Variants in OOSP2 observed in about 807,000 individuals in gnomAD.
OOSP2 encodes the protein oocyte secreted protein 2, also known as oocyte-secreted protein 2.
In OOSP2, 7 loss-of-function variants were observed where a neutral mutation model predicts 13.4. The ratio of observed to expected loss-of-function variants is 0.52; its 90% confidence interval spans 0.30 to 0.98. The LOEUF (loss-of-function observed/expected upper bound fraction) is 0.98, where lower values mean the gene tolerates loss of function less well. OOSP2 is among the 50% of genes least tolerant of loss of function. OOSP2 has a pLI of 0.07. For synonymous variants in OOSP2, 75 were observed against 67.2 expected (o/e 1.12, Z -0.57); for missense variants, 184 against 188.5 (o/e 0.98, Z 0.14).
chr11:60,046,171 C>T (rs1457527453), intron 3 of OOSP2, among the ~76,000 whole-genome samples: 1 of 151,630 alleles, frequency 6.6e-6, no homozygotes, highest in African/African-American at 2.4e-5. Flanking sequence ...GTCTCTCGCT[C>T]TGCCTCTCTC....
intron 3 of OOSP2, among the ~76,000 whole-genome samples, chr11:60,045,803 T>A (rs1855000304): frequency 6.6e-6 from 1 of 152,194 alleles, no homozygotes. Context: ...TTTCATAAAG[T>A]ATTTTCATAA....
chr11:60,041,284 C>A (rs1854925184), intron 1 of OOSP2, among the ~76,000 whole-genome samples: 1 of 152,150 alleles, frequency 6.6e-6, no homozygotes. Flanking sequence ...TCACATATAG[C>A]TCCTGATATT....
chr11:60,046,595 G>A, intron 3 of OOSP2: 2 of 439,276 alleles, frequency 4.6e-6, no homozygotes, highest in Non-Finnish European at 9.0e-6. Flanking sequence ...TTAAGCTTTT[G>A]GTGGCTTTTT....
intron 3 of OOSP2, 104 bp from the exon 4 acceptor site, chr11:60,046,840 C>A: frequency 2.1e-6 from 2 of 949,262 alleles, no homozygotes; most frequent in Non-Finnish European, 3.5e-6. Context: ...ATGCCATACT[C>A]CTGAATGACT....
intron 1 of OOSP2, among the ~76,000 whole-genome samples, chr11:60,041,872 C>CAAAAAAAAAAAAAA (rs1390816690): frequency 2.4e-5 from 2 of 84,826 alleles, no homozygotes; most frequent in African/African-American, 8.2e-5. Flanking sequence ...AAAAAAAAAG[C>CAAAAAAAAAAAAAA]AAAACTCCGT....
In OOSP2 at chr11:60,047,076, T is replaced by C. The variant is rs995664325; in HGVS notation, c.*3T>C. 12 of 1,592,308 alleles carry C rather than the reference T, an allele frequency of 7.5e-6. No homozygotes were observed. The highest frequency in any genetic ancestry group is 1.7e-4 in the Middle Eastern group (1 of 5,962). On this transcript the variant is annotated 3_prime_UTR_variant, in exon 4 of 4. Transcript: ENST00000278855. ...CTTCTAGTCCAAACTTGCTCTGAGCTAAAGGAGAAATGGAAACTTGAAGCT... is the reference window on the plus strand; with the variant it reads ...CTTCTAGTCCAAACTTGCTCTGAGCCAAAGGAGAAATGGAAACTTGAAGCT...
At chr11:60,046,898 C>A in intron 3 of OOSP2, 46 bp from the exon 4 acceptor site, 1 of 1,560,994 alleles carries the variant, frequency 6.4e-7, no homozygotes, top group Non-Finnish European at 8.8e-7. Context: ...CTGACTTGAT[C>A]CCAAGTGCTC....
chr11:60,046,646 TG>T (rs145606931), intron 3 of OOSP2: 69 of 505,498 alleles, frequency 1.4e-4, no homozygotes, highest in Non-Finnish European at 2.4e-4. Flanking sequence ...TCTGTTTTGC[TG>T]GGTACATTGG....
In OOSP2 at chr11:60,046,516, GTC is replaced by G. The variant is rs527585680; in HGVS notation, c.348-417_348-416del. On this transcript the variant is annotated intron_variant, in intron 3 of 3. Coordinates refer to ENST00000278855, the MANE Select transcript of OOSP2 (RefSeq NM_173801.5). ...TGGGTGCATGAATTTTAATGTTGTA[GTC>G]TCTCTCTCTCATATTCACTTACTCA... is the stretch of plus-strand genomic sequence containing the variant. 1.9e-4 allele frequency among the ~76,000 whole-genome samples: 29 copies of G among 152,006 alleles called. 1 individual carries two copies. The South Asian group carries it at 5.8e-3, about 31-fold the overall frequency.
At chr11:60,045,771 TTTACTC>T (rs1411569852) in intron 3 of OOSP2, among the ~76,000 whole-genome samples, 2 of 152,176 alleles carry the variant, frequency 1.3e-5, no homozygotes, top group African/African-American at 4.8e-5. Flanking sequence ...TGTTAATACT[TTTACTC>T]TTCCCTTTAA....
At chr11:60,046,011 A>G (rs1000700792) in intron 3 of OOSP2, among the ~76,000 whole-genome samples, 19 of 127,004 alleles carry the variant, frequency 1.5e-4, no homozygotes, top group African/African-American at 5.2e-4. Flanking sequence ...TCTGTCTCTC[A>G]CTCTGCCTTT....
At chr11:60,042,966 G>A (rs569932578) in intron 1 of OOSP2, among the ~76,000 whole-genome samples, 9 of 151,380 alleles carry the variant, frequency 5.9e-5, no homozygotes, top group East Asian at 1.9e-4. Context: ...GTGCAGTGGC[G>A]CGATCTTGGT....
chr11:60,043,615 T>C lies in OOSP2; in HGVS notation c.211T>C (p.Tyr71His). ...RIHTYVYEFI[Y>H]LVRDCGIRTR... ...ACATACATATGTATATGAGTTTATA[T>C]ATCTTGTTCGTGATTGTGGCATCAG... Residue 71 changes from tyrosine to histidine, a missense_variant, in exon 2 of 4, where the codon TAT becomes CAT. Transcript: ENST00000278855. The C allele has an allele frequency of 6.2e-7, 1 of 1,607,648 alleles. No homozygotes were observed. The highest frequency in any genetic ancestry group is 1.3e-5 in the African/African-American group (1 of 74,952).
At chr11:60,040,831 C>T (rs1854920867) in intron 1 of OOSP2, among the ~76,000 whole-genome samples, 1 of 152,098 alleles carries the variant, frequency 6.6e-6, no homozygotes, top group Admixed American at 6.6e-5. Context: ...CATTTCAAAC[C>T]CCTGCCAATT....
At chr11:60,046,602 T>C in intron 3 of OOSP2, 1 of 447,140 alleles carries the variant, frequency 2.2e-6, no homozygotes, top group Non-Finnish European at 4.4e-6. Flanking sequence ...TTTGGTGGCT[T>C]TTTCTTACTG....
At chr11:60,045,360 G>T (rs1357659645) in intron 3 of OOSP2, among the ~76,000 whole-genome samples, 1 of 151,442 alleles carries the variant, frequency 6.6e-6, no homozygotes, top group African/African-American at 2.4e-5. Flanking sequence ...AAGGTATCCT[G>T]ATACACTTTT....
chr11:60,043,373 C>G (rs1305510502), intron 1 of OOSP2, 96 bp from the exon 2 acceptor site: 12 of 634,646 alleles, frequency 1.9e-5, no homozygotes, highest in Non-Finnish European at 2.9e-5. Flanking sequence ...GAAATAAATG[C>G]CTTTTATTTA....
intron 3 of OOSP2, among the ~76,000 whole-genome samples, chr11:60,045,375 T>C (rs1590603013): frequency 6.6e-6 from 1 of 152,250 alleles, no homozygotes; most frequent in East Asian, 1.9e-4. Context: ...ACTTTTTTTT[T>C]TTTTGCCATG....
intron 1 of OOSP2, among the ~76,000 whole-genome samples, chr11:60,042,481 C>T (rs1854948820): frequency 6.6e-6 from 1 of 152,278 alleles, no homozygotes; most frequent in Admixed American, 6.5e-5. Flanking sequence ...TCCTCTGTGG[C>T]CACTTGCTCA....
Sources: allele counts gnomAD v4.1 joint callset (sites outside exome capture counted in the v4.1 genomes callset), GRCh38; gene constraint gnomAD v4.1.1; transcripts MANE v1.5; gene names NCBI Gene and HGNC (gene_info 2026-07-23, HGNC 2026-07-21).